Variants in ZMPSTE24 observed in about 807,000 individuals in gnomAD.
The protein encoded by ZMPSTE24 is CAAX prenyl protease 1 homolog.
In ZMPSTE24, 48 loss-of-function variants were observed where a neutral mutation model predicts 56.7. The observed-to-expected ratio is 0.85, with a 90% CI of 0.67 to 1.08. ZMPSTE24 has a LOEUF of 1.08. ZMPSTE24 is among the 50% of genes least tolerant of loss of function. The pLI, the probability that ZMPSTE24 is intolerant of heterozygous loss-of-function variation, is 0.00. For missense variants in ZMPSTE24, 503 were observed against 548.7 expected (o/e 0.92, Z 0.83); for synonymous variants, 172 against 195.2 (o/e 0.88, Z 0.99).
intron 2 of ZMPSTE24, 92 bp from the exon 3 acceptor site, chr1:40,267,694 T>G: frequency 1.9e-6 from 2 of 1,042,396 alleles, no homozygotes; most frequent in Non-Finnish European, 1.5e-6. Flanking sequence ...ATAGAGATGA[T>G]TATTTTGTCC....
intron 2 of ZMPSTE24, among the ~76,000 whole-genome samples, chr1:40,262,007 C>T (rs1056912339): frequency 1.3e-4 from 20 of 152,298 alleles, no homozygotes; most frequent in African/African-American, 2.6e-4. Context: ...CTGTGCCCTG[C>T]CACTTTTATT....
chr1:40,269,073 CAA>C (rs60201234), intron 4 of ZMPSTE24, among the ~76,000 whole-genome samples: 10 of 46,218 alleles, frequency 2.2e-4, no homozygotes, highest in Admixed American at 4.3e-4. Flanking sequence ...GACTCCGTCT[CAA>C]AAAAAAAAAA....
At chr1:40,270,789 G>A (rs1643606556) in intron 5 of ZMPSTE24, among the ~76,000 whole-genome samples, 1 of 151,158 alleles carries the variant, frequency 6.6e-6, no homozygotes, top group African/African-American at 2.4e-5. Flanking sequence ...ATACTCTCAA[G>A]TGCTTCACAA....
intron 2 of ZMPSTE24, among the ~76,000 whole-genome samples, chr1:40,264,485 A>G (rs1436170247): frequency 7.2e-5 from 11 of 152,228 alleles, no homozygotes; most frequent in African/African-American, 2.2e-4. Flanking sequence ...AGTTACTTCA[A>G]CCTCTCAGTT....
chr1:40,276,614 C>A (rs72943194), intron 6 of ZMPSTE24, among the ~76,000 whole-genome samples: 1,949 of 152,302 alleles, frequency 0.013, 51 homozygotes, highest in African/African-American at 0.045. Flanking sequence ...CAAGCGATAT[C>A]ATTAATCCAT....
At chr1:40,278,979 T>C (rs1643700467) in intron 6 of ZMPSTE24, among the ~76,000 whole-genome samples, 2 of 151,896 alleles carry the variant, frequency 1.3e-5, no homozygotes, top group South Asian at 2.1e-4. Context: ...CAAGACCCTG[T>C]CTCTACAAAA....
chr1:40,292,961 T>C lies in ZMPSTE24; in HGVS notation c.*292T>C. 3 of 340,934 alleles carry C rather than the reference T, an allele frequency of 8.8e-6. No homozygotes were observed. The highest frequency in any genetic ancestry group is 1.7e-5 in the Non-Finnish European group (3 of 179,242). The allele number at this position is 340,934 out of a possible 1,614,324, so 21.1% of individuals were successfully genotyped here. Reference sequence around the variant, plus strand: ...AAATACAGAACTCGTTTTATTTGTATACTTATATGGAATCTGCATGTGAGG... The same window carrying C: ...AAATACAGAACTCGTTTTATTTGTACACTTATATGGAATCTGCATGTGAGG... On this transcript the variant is annotated 3_prime_UTR_variant, in exon 10 of 10. Transcript: ENST00000372759.
chr1:40,272,620 A>C (rs978334486), intron 6 of ZMPSTE24, among the ~76,000 whole-genome samples: 3 of 152,178 alleles, frequency 2.0e-5, no homozygotes, highest in Admixed American at 2.0e-4. Flanking sequence ...CTTGACCGTT[A>C]CTCAAATCTT....
chr1:40,285,888 G>C, intron 7 of ZMPSTE24, 37 bp from the exon 8 acceptor site: 1 of 1,546,514 alleles, frequency 6.5e-7, no homozygotes, highest in Non-Finnish European at 8.9e-7. Flanking sequence ...CTTTTTAAAG[G>C]TTCTCAATAA....
chr1:40,269,865 G>A lies in ZMPSTE24; in HGVS notation c.475-110G>A, dbSNP rs898093815. The A allele has an allele frequency of 6.9e-6, 9 of 1,301,786 alleles. No homozygotes were observed. In the Middle Eastern group the frequency reaches 6.4e-4, roughly 92 times the overall value. The allele number at this position is 1,301,786 out of a possible 1,614,324, so 80.6% of individuals were successfully genotyped here. A position where few individuals can be genotyped will look rare whatever the true frequency, so the allele number is the denominator to read the frequency against. ...GTCATATAATATAGTTTCACTGCAT[G>A]TTAATTTTAAAAATTGCTTTAATAA... On this transcript the variant is annotated intron_variant, in intron 4 of 9. Transcript: ENST00000372759.
intron 6 of ZMPSTE24, among the ~76,000 whole-genome samples, chr1:40,280,915 C>T (rs1238357092): frequency 2.0e-5 from 3 of 152,198 alleles, no homozygotes; most frequent in Non-Finnish European, 4.4e-5. Context: ...ACCGCAATTA[C>T]TTTTGCACCA....
chr1:40,281,405 G>A lies in ZMPSTE24; in HGVS notation c.832G>A (p.Val278Ile). 1 of 1,614,090 alleles carries A rather than the reference G, an allele frequency of 6.2e-7. No homozygotes were observed. Among genetic ancestry groups the A allele is most frequent in the Non-Finnish European group, 8.5e-7 (1 of 1,179,996 alleles). Residue 278 changes from valine to isoleucine, a missense_variant, in exon 7 of 10, where the codon GTT becomes ATT. By Grantham distance (29) the Val-to-Ile change is conservative. Coordinates refer to ENST00000372759, the MANE Select transcript of ZMPSTE24 (RefSeq NM_005857.5). Reference protein sequence around the residue: ...FYGFFKNKRIVLFDTLLEEYS... With the variant: ...FYGFFKNKRIILFDTLLEEYS... The stretch of plus-strand genomic sequence containing the variant: ...TGGCTTCTTCAAGAACAAGCGAATA[G>A]TTTTGTTTGACACTCTACTAGAAGA...
chr1:40,275,561 G>C (rs530239222), intron 6 of ZMPSTE24, among the ~76,000 whole-genome samples: 1 of 152,138 alleles, frequency 6.6e-6, no homozygotes, highest in Admixed American at 6.5e-5. Flanking sequence ...AGACCAGCCT[G>C]GCCAACATGG....
intron 6 of ZMPSTE24, among the ~76,000 whole-genome samples, chr1:40,280,646 G>A (rs576545423): frequency 1.5e-4 from 23 of 152,126 alleles, no homozygotes; most frequent in African/African-American, 3.6e-4. Context: ...GGCTGGTCAC[G>A]AACTCCTGAC....
chr1:40,275,768 A>AC, intron 6 of ZMPSTE24, among the ~76,000 whole-genome samples: 1 of 151,912 alleles, frequency 6.6e-6, no homozygotes, highest in South Asian at 2.1e-4. Flanking sequence ...AAAAAAAAAA[A>AC]AAAAAACAAC....
chr1:40,272,957 A>C lies in ZMPSTE24; in HGVS notation c.769+922A>C, dbSNP rs117017733. ...TTCTCTGTTGCAACTATTCAGTGCT[A>C]CTATTATAGCGCAAAAGCAGCCATA... On this transcript the variant is annotated intron_variant, in intron 6 of 9. Coordinates refer to ENST00000372759, the MANE Select transcript of ZMPSTE24 (RefSeq NM_005857.5). Among the ~76,000 whole-genome samples, 18 of 152,326 alleles carry C rather than the reference A, an allele frequency of 1.2e-4. No individual in the cohort carries two copies. In the East Asian group the frequency reaches 3.5e-3, roughly 29 times the overall value.
chr1:40,280,352 A>G (rs1404663724), intron 6 of ZMPSTE24, among the ~76,000 whole-genome samples: 2 of 151,906 alleles, frequency 1.3e-5, no homozygotes, highest in African/African-American at 4.8e-5. Flanking sequence ...TGCGTTGTTG[A>G]TGTTGCGAGT....
At chr1:40,269,073 CAAAAA>C (rs60201234) in intron 4 of ZMPSTE24, among the ~76,000 whole-genome samples, 2 of 46,220 alleles carry the variant, frequency 4.3e-5, no homozygotes, top group Non-Finnish European at 1.2e-4. Context: ...GACTCCGTCT[CAAAAA>C]AAAAAAAAAA....
At chr1:40,270,398 A>G (rs1294002973) in intron 5 of ZMPSTE24, among the ~76,000 whole-genome samples, 2 of 152,134 alleles carry the variant, frequency 1.3e-5, no homozygotes, top group African/African-American at 2.4e-5. Flanking sequence ...TGGGTTGTGC[A>G]TTTGCGAGTT....
Sources: allele counts gnomAD v4.1 joint callset (sites outside exome capture counted in the v4.1 genomes callset), GRCh38; gene constraint gnomAD v4.1.1; transcripts MANE v1.5; gene names NCBI Gene and HGNC (gene_info 2026-07-23, HGNC 2026-07-21).